PCDH15: variants seen among roughly 807,000 people sequenced by gnomAD.
PCDH15 encodes protocadherin-15.
In PCDH15, 129 loss-of-function variants were observed where a neutral mutation model predicts 178.5. The ratio of observed to expected loss-of-function variants is 0.72; its 90% CI spans 0.63 to 0.84. PCDH15 has a LOEUF of 0.84. Ranked by LOEUF, PCDH15 falls within the 40% of genes least tolerant of loss-of-function variation. The pLI, the probability that PCDH15 is intolerant of heterozygous loss-of-function variation, is 0.00. For synonymous variants in PCDH15, 800 were observed against 732.0 expected (o/e 1.09, Z -1.50); for missense variants, 2,230 against 2,099.9 (o/e 1.06, Z -1.21).
At chr10:54,793,720 A>G in intron 1 of PCDH15, among the ~76,000 whole-genome samples, 1 of 148,580 alleles carries the variant, frequency 6.7e-6, no homozygotes, top group East Asian at 2.0e-4. Context: ...ACATATATAT[A>G]CACTTGTGTA....
intron 11 of PCDH15, among the ~76,000 whole-genome samples, chr10:54,190,392 A>T (rs1248765422): frequency 6.6e-6 from 1 of 152,218 alleles, no homozygotes; most frequent in Non-Finnish European, 1.5e-5. Flanking sequence ...TCTGACACTC[A>T]AAAGCAACAG....
At chr10:54,348,371 C>G (rs1474993402) in intron 5 of PCDH15, among the ~76,000 whole-genome samples, 2 of 152,016 alleles carry the variant, frequency 1.3e-5, no homozygotes, top group African/African-American at 2.4e-5. Context: ...GAGACGAGAT[C>G]GTTTAAGTAG....
chr10:54,909,976 C>T (rs1018566248), intron 2 of PCDH15, among the ~76,000 whole-genome samples: 2 of 152,100 alleles, frequency 1.3e-5, no homozygotes, highest in Non-Finnish European at 2.9e-5. Context: ...CCTGGTGGTG[C>T]CTTCAGCTGG....
chr10:54,681,195 C>T (rs1021274830), intron 1 of PCDH15, among the ~76,000 whole-genome samples: 16 of 152,080 alleles, frequency 1.1e-4, no homozygotes, highest in African/African-American at 3.4e-4. Context: ...TATTGGGGAG[C>T]GGCAGGTTTG....
At chr10:55,309,923 T>C (rs909031922) in intron 1 of PCDH15, among the ~76,000 whole-genome samples, 1 of 152,192 alleles carries the variant, frequency 6.6e-6, no homozygotes, top group Admixed American at 6.5e-5. Context: ...TTTAGCCTAT[T>C]TTGATGCTCT....
intron 2 of PCDH15, among the ~76,000 whole-genome samples, chr10:55,131,129 T>A (rs1175736565): frequency 1.3e-5 from 2 of 152,190 alleles, no homozygotes; most frequent in East Asian, 1.9e-4. Context: ...ATGGCATGTA[T>A]CCACCATTAC....
chr10:54,195,602 G>A (rs2133922466), intron 11 of PCDH15, 81 bp downstream of exon 11: 6 of 1,175,358 alleles, frequency 5.1e-6, no homozygotes, highest in East Asian at 2.4e-5. Flanking sequence ...AGCTTATGTA[G>A]CCATATCTTT....
At chr10:54,646,366 G>C (rs2094129959) in intron 2 of PCDH15, among the ~76,000 whole-genome samples, 1 of 152,084 alleles carries the variant, frequency 6.6e-6, no homozygotes, top group African/African-American at 2.4e-5. Context: ...ACCTATGGTA[G>C]GTCCTGGAAC....
intron 13 of PCDH15, among the ~76,000 whole-genome samples, chr10:54,156,211 T>G (rs2045128282): frequency 6.6e-6 from 1 of 152,212 alleles, no homozygotes; most frequent in South Asian, 2.1e-4. Context: ...TTCAGGAACT[T>G]TAGCCCTACC....
At chr10:55,508,842 T>G (rs1470141818) in intron 2 of PCDH15, among the ~76,000 whole-genome samples, 1 of 151,770 alleles carries the variant, frequency 6.6e-6, no homozygotes, top group Non-Finnish European at 1.5e-5. Context: ...TATTGTATTA[T>G]GTGATCAGGA....
rs565712658 is a variant in PCDH15, at chr10:55,505,618, A to G, written c.-156+122007T>C. On this transcript the variant is annotated intron_variant, in intron 2 of 5. Transcript: ENST00000613346. ...CTAAGTTAGACCTGAGGAGTCTGCA[A>G]TGGCAGGAGAATTTAAATTCAGTTT... 2.0e-5 allele frequency among the ~76,000 whole-genome samples: 3 copies of G among 151,472 alleles called. No homozygotes were observed. The East Asian group carries it at 5.9e-4, about 30-fold the overall frequency.
At chr10:55,154,032 C>G (rs774569779) in intron 2 of PCDH15, among the ~76,000 whole-genome samples, 5 of 152,126 alleles carry the variant, frequency 3.3e-5, no homozygotes, top group Non-Finnish European at 7.4e-5. Context: ...TGAGAAATTA[C>G]CATGTACACG....
intron 14 of PCDH15, among the ~76,000 whole-genome samples, chr10:54,145,317 GT>G (rs1415199369): frequency 1.3e-5 from 2 of 151,972 alleles, no homozygotes; most frequent in Non-Finnish European, 2.9e-5. Context: ...GCTACAAGGA[GT>G]CTATTTGTAA....
intron 2 of PCDH15, among the ~76,000 whole-genome samples, chr10:55,058,737 T>C (rs1442205352): frequency 1.3e-5 from 2 of 152,216 alleles, no homozygotes; most frequent in Non-Finnish European, 2.9e-5. Flanking sequence ...CTATATCATA[T>C]TGCATCGTGT....
intron 5 of PCDH15, among the ~76,000 whole-genome samples, chr10:54,353,143 T>C (rs1319484472): frequency 1.3e-5 from 2 of 152,184 alleles, no homozygotes; most frequent in Admixed American, 6.5e-5. Flanking sequence ...CAAATCATTG[T>C]TTCTGTGACC....
At chr10:55,333,482 A>AT (rs1844268528) in intron 2 of PCDH15, among the ~76,000 whole-genome samples, 1 of 152,158 alleles carries the variant, frequency 6.6e-6, no homozygotes, top group African/African-American at 2.4e-5. Context: ...TTTTTAGTAA[A>AT]CAAAATAACA....
chr10:54,779,650 G>A (rs1164493213), intron 1 of PCDH15, among the ~76,000 whole-genome samples: 1 of 151,110 alleles, frequency 6.6e-6, no homozygotes, highest in Admixed American at 6.6e-5. Context: ...GCCAAAATGT[G>A]AACACAGCAG....
chr10:54,806,133 A>G (rs77809886), upstream of PCDH15, among the ~76,000 whole-genome samples: 9,428 of 152,294 alleles, frequency 0.062, 387 homozygotes, highest in South Asian at 0.14. Context: ...TTCCTTAGGA[A>G]TACTTCTGGT....
intron 3 of PCDH15, among the ~76,000 whole-genome samples, chr10:54,437,012 C>T (rs2075465099): frequency 6.6e-6 from 1 of 152,138 alleles, no homozygotes; most frequent in Admixed American, 6.5e-5. Flanking sequence ...TCACAAAGCC[C>T]TGATTTAAAT....
Sources: allele counts gnomAD v4.1 joint callset (sites outside exome capture counted in the v4.1 genomes callset), GRCh38; gene constraint gnomAD v4.1.1; transcripts MANE v1.5; gene names NCBI Gene and HGNC (gene_info 2026-07-23, HGNC 2026-07-21).